The following DCLK1 variants were observed in gnomAD, a reference collection of about 807,000 sequenced individuals.
DCLK1 encodes the protein serine/threonine-protein kinase DCLK1.
Under a neutral mutation model 86.2 loss-of-function variants are expected in DCLK1, and 16 were observed. The ratio of observed to expected loss-of-function variants is 0.19; its 90% confidence interval spans 0.13 to 0.28. The LOEUF (loss-of-function observed/expected upper bound fraction) is 0.28. DCLK1 is among the 10% of genes least tolerant of loss of function. The probability of loss-of-function intolerance (pLI) is 1.00; values close to 1 mark genes in which losing one functional copy is unlikely to be tolerated. For synonymous variants in DCLK1, 369 were observed against 370.5 expected (o/e 1.00, Z 0.05); for missense variants, 590 against 940.2 (o/e 0.63, Z 4.87).
intron 6 of DCLK1, chr13:35,846,302 A>T (rs1228922408): frequency 1.0e-6 from 1 of 985,180 alleles, no homozygotes; most frequent in Non-Finnish European, 1.2e-6. Flanking sequence ...AATAAACTCA[A>T]TTCCTTGCTT....
intron 5 of DCLK1, among the ~76,000 whole-genome samples, chr13:35,859,373 G>C (rs1367020889): frequency 6.6e-6 from 1 of 151,286 alleles, no homozygotes; most frequent in Non-Finnish European, 1.5e-5. Flanking sequence ...ATCCTTTGCT[G>C]TGCTTGTTAC....
chr13:35,811,886 C>CA (rs1239666337), intron 11 of DCLK1, among the ~76,000 whole-genome samples: 3 of 151,568 alleles, frequency 2.0e-5, no homozygotes, highest in East Asian at 1.9e-4. Flanking sequence ...TAACTAAATA[C>CA]AAAAAAACTA....
intron 2 of DCLK1, among the ~76,000 whole-genome samples, chr13:36,114,623 A>T (rs1258933210): frequency 1.3e-5 from 2 of 152,272 alleles, no homozygotes; most frequent in Non-Finnish European, 2.9e-5. Context: ...TCATGAAAAG[A>T]AATTTCCATT....
chr13:36,130,904 C>T (rs2138232578), intron 1 of DCLK1, among the ~76,000 whole-genome samples: 1 of 152,242 alleles, frequency 6.6e-6, no homozygotes, highest in Middle Eastern at 3.4e-3. Flanking sequence ...CCAGCAGCCC[C>T]GGGGCCGCCC....
At chr13:35,977,999 G>A (rs894937949) in intron 3 of DCLK1, among the ~76,000 whole-genome samples, 2 of 151,684 alleles carry the variant, frequency 1.3e-5, no homozygotes, top group East Asian at 1.9e-4. Context: ...TTACAGACTG[G>A]GTAGATAATA....
At chr13:35,787,358 C>G (rs544021662) in intron 16 of DCLK1, among the ~76,000 whole-genome samples, 2 of 151,814 alleles carry the variant, frequency 1.3e-5, no homozygotes, top group African/African-American at 2.4e-5. Flanking sequence ...GCGAAAACAG[C>G]CTCCCTAGAA....
rs546131529 is a variant in DCLK1 at position 36,067,324 on chromosome 13, C to T, written c.723+44545G>A. ...ATCGCAAGGACAAAAAACCAACCACCACATGTTCTCACTCATAGGCGGGAA... is the reference window on the plus strand; with the variant it reads ...ATCGCAAGGACAAAAAACCAACCACTACATGTTCTCACTCATAGGCGGGAA... On this transcript the variant is annotated intron_variant, in intron 3 of 16. Transcript: ENST00000360631. 3.2e-3 allele frequency among the ~76,000 whole-genome samples: 477 copies of T among 148,984 alleles called. 1 individual carries two copies. Among genetic ancestry groups the T allele is most frequent in the African/African-American group, 0.011 (460 of 40,336 alleles).
chr13:35,997,086 A>C (rs1408440995), intron 3 of DCLK1, among the ~76,000 whole-genome samples: 1 of 152,218 alleles, frequency 6.6e-6, no homozygotes, highest in East Asian at 1.9e-4. Flanking sequence ...AAAGCCAATT[A>C]GTTTCCAGAA....
At chr13:35,850,435 G>C (rs186571746) in intron 6 of DCLK1, 2 of 1,087,372 alleles carry the variant, frequency 1.8e-6, no homozygotes, top group Non-Finnish European at 2.2e-6. Context: ...TATTGGGTCC[G>C]TGTATGAAAT....
At chr13:35,898,009 A>C (rs1874107305) in intron 4 of DCLK1, among the ~76,000 whole-genome samples, 1 of 152,336 alleles carries the variant, frequency 6.6e-6, no homozygotes, top group East Asian at 1.9e-4. Context: ...ATATATGAAA[A>C]CATTAAATTA....
At chr13:35,914,350 CAT>C (rs1566600254) in intron 4 of DCLK1, among the ~76,000 whole-genome samples, 91 of 94,188 alleles carry the variant, frequency 9.7e-4, no homozygotes, top group Middle Eastern at 5.4e-3. Flanking sequence ...TATATATATA[CAT>C]ATATATATAT....
chr13:35,958,459 TATCACCACCACTATAACC>T (rs1878267321), intron 3 of DCLK1, among the ~76,000 whole-genome samples: 1 of 132,452 alleles, frequency 7.5e-6, no homozygotes, highest in African/African-American at 2.7e-5. Context: ...CTATAACCAC[TATCACCACCACTATAACC>T]ATCACCACCA....
chr13:35,922,095 G>T (rs566978388), intron 4 of DCLK1, among the ~76,000 whole-genome samples: 1 of 152,062 alleles, frequency 6.6e-6, no homozygotes, highest in Non-Finnish European at 1.5e-5. Context: ...TAGGTAGGGC[G>T]GTTTTTGTTT....
At chr13:36,069,697 A>G (rs1054813219) in intron 3 of DCLK1, among the ~76,000 whole-genome samples, 2 of 152,196 alleles carry the variant, frequency 1.3e-5, no homozygotes, top group Non-Finnish European at 2.9e-5. Context: ...GTGTCACAAC[A>G]TCAGCCTTAT....
At chr13:35,782,450 T>C (rs1343688915) in intron 16 of DCLK1, among the ~76,000 whole-genome samples, 1 of 152,214 alleles carries the variant, frequency 6.6e-6, no homozygotes, top group East Asian at 1.9e-4. Context: ...AGAAAATCTA[T>C]GAAAATTTAG....
intron 4 of DCLK1, among the ~76,000 whole-genome samples, chr13:35,926,206 G>A (rs751558632): frequency 9.2e-5 from 14 of 152,128 alleles, no homozygotes; most frequent in Non-Finnish European, 1.9e-4. Context: ...CTACAGGCAT[G>A]TGCCACCATG....
Position 35,852,836 on chromosome 13 carries a change from C to T in DCLK1, c.1035+1663G>A, listed in dbSNP as rs148354061. Among the ~76,000 whole-genome samples, 91 of 152,232 alleles carry T rather than the reference C, an allele frequency of 6.0e-4. No homozygotes were observed. The East Asian group carries it at 0.012, about 20-fold the overall frequency. Reference sequence around the variant, plus strand: ...CAAGGAGAGGAGCTCCCATTTGCAGCGGGAATTCCCAATCACTCTTAATGT... The same window carrying T: ...CAAGGAGAGGAGCTCCCATTTGCAGTGGGAATTCCCAATCACTCTTAATGT... On this transcript the variant is annotated intron_variant, in intron 6 of 16. Coordinates refer to ENST00000360631, the MANE Select transcript of DCLK1 (RefSeq NM_001330071.2).
intron 3 of DCLK1, among the ~76,000 whole-genome samples, chr13:36,057,959 G>A (rs1164471237): frequency 3.3e-5 from 5 of 152,078 alleles, no homozygotes; most frequent in African/African-American, 1.2e-4. Flanking sequence ...ATATATTTTG[G>A]GGGGGATAAG....
At chr13:35,826,523 C>CAAAAA (rs533243711) in intron 10 of DCLK1, among the ~76,000 whole-genome samples, 5 of 19,786 alleles carry the variant, frequency 2.5e-4, no homozygotes, top group East Asian at 2.6e-3. Context: ...AACTCCATCT[C>CAAAAA]AAAAAAAAAA....
Sources: allele counts gnomAD v4.1 joint callset (sites outside exome capture counted in the v4.1 genomes callset), GRCh38; gene constraint gnomAD v4.1.1; transcripts MANE v1.5; gene names NCBI Gene and HGNC (gene_info 2026-07-23, HGNC 2026-07-21).